Variants in PNPLA7 observed in about 807,000 individuals in gnomAD.
The protein encoded by PNPLA7 is patatin-like phospholipase domain-containing protein 7.
Under a neutral mutation model 161.7 loss-of-function variants are expected in PNPLA7, and 153 were observed. The observed-to-expected ratio is 0.95, with a 90% CI of 0.83 to 1.08. PNPLA7 has a LOEUF of 1.08. Ranked by LOEUF, PNPLA7 falls within the 50% of genes least tolerant of loss-of-function variation. PNPLA7 has a pLI of 0.00. For missense variants in PNPLA7, 1,739 were observed against 1,856.6 expected (o/e 0.94, Z 1.16); for synonymous variants, 809 against 782.1 (o/e 1.03, Z -0.57).
chr9:137,522,834 C>G lies in PNPLA7; in HGVS notation c.771G>C (p.Thr257=), dbSNP rs147114518. The change falls in exon 9 of 35, where the codon ACG becomes ACC. Residue 257 remains threonine (T), a synonymous_variant. Transcript: ENST00000406427. ...ACGGGATGGCCGCGCGGACGGAGAC[C>G]GTTTTGTAAGGTGCAGCATGGCCCT... ...IITGHAAPYK[T]VSVRAAIPST... 2 of 1,613,608 alleles carry G rather than the reference C, an allele frequency of 1.2e-6. No homozygotes were observed. The highest frequency in any genetic ancestry group is 1.7e-5 in the Admixed American group (1 of 60,012).
At chr9:137,484,968 C>T (rs905051234) in intron 20 of PNPLA7, among the ~76,000 whole-genome samples, 2 of 152,356 alleles carry the variant, frequency 1.3e-5, no homozygotes, top group African/African-American at 4.8e-5. Context: ...TTGCGCCTCC[C>T]CAGCCCTCAG....
At position 137,540,682 on chromosome 9, in the gene PNPLA7, T is replaced by C. The variant is rs202080465; in HGVS notation, c.707A>G (p.Asp236Gly). 1.7e-4 allele frequency: 272 copies of C among 1,611,938 alleles called. 4 individuals are homozygous for C. The East Asian group carries it at 5.9e-3, about 35-fold the overall frequency. ...EVVVKEVLAG[D>G]SVHSLLSILD... ...GATGCTGAGCAGGCTGTGGACGCTGTCTCCCGCCAGAACCTCTTTCACCAC... is the reference window on the plus strand; with the variant it reads ...GATGCTGAGCAGGCTGTGGACGCTGCCTCCCGCCAGAACCTCTTTCACCAC... The change falls in exon 8 of 35, where the codon GAC (aspartate) becomes GGC (glycine). Residue 236 changes from aspartate to glycine, a missense_variant. Transcript: ENST00000406427. The surrounding 1 kb of genome is among the most constrained non-coding windows in gnomAD (Gnocchi z 5.1).
intron 24 of PNPLA7, 76 bp from the exon 25 acceptor site, chr9:137,478,228 G>C: frequency 2.7e-6 from 3 of 1,129,092 alleles, no homozygotes; most frequent in Admixed American, 4.2e-5. Context: ...GGCTTGACTG[G>C]GGGGAGTTTC....
At chr9:137,507,848 G>T (rs1344191140) in intron 12 of PNPLA7, among the ~76,000 whole-genome samples, 3 of 152,172 alleles carry the variant, frequency 2.0e-5, no homozygotes, top group African/African-American at 7.2e-5. Flanking sequence ...GAGCCCAGGA[G>T]TTTGAGGCCT....
At chr9:137,509,500 C>A (rs146922733) in intron 12 of PNPLA7, 1 of 235,710 alleles carries the variant, frequency 4.2e-6, no homozygotes, top group Admixed American at 5.0e-5. Context: ...GTTTAGCCGG[C>A]GTGAGTGAGT....
At chr9:137,546,642 G>C (rs973153153) in intron 4 of PNPLA7, among the ~76,000 whole-genome samples, 188 bp downstream of exon 4, 2 of 152,160 alleles carry the variant, frequency 1.3e-5, no homozygotes, top group Non-Finnish European at 2.9e-5. Flanking sequence ...GGAGGAAGCA[G>C]ACACCATTCG....
chr9:137,522,163 C>T (rs1835032667), intron 9 of PNPLA7, among the ~76,000 whole-genome samples: 1 of 152,222 alleles, frequency 6.6e-6, no homozygotes, highest in Non-Finnish European at 1.5e-5. Flanking sequence ...CAAGCTCCGC[C>T]TCCCGGGTTC....
At chr9:137,534,434 TCAGA>T (rs1180245679) in intron 8 of PNPLA7, among the ~76,000 whole-genome samples, 10 of 114,790 alleles carry the variant, frequency 8.7e-5, no homozygotes, top group South Asian at 5.5e-4. Flanking sequence ...ACTCCCAGAC[TCAGA>T]CAGGAGCACT....
chr9:137,495,644 C>T (rs11137320), intron 18 of PNPLA7, among the ~76,000 whole-genome samples: 74,666 of 151,928 alleles, frequency 0.49, 18,688 homozygotes, highest in East Asian at 0.64. Context: ...CGGGGTTTCA[C>T]CATGTTAGCC....
intron 9 of PNPLA7, among the ~76,000 whole-genome samples, chr9:137,522,086 T>G (rs765506533): frequency 6.6e-6 from 1 of 152,220 alleles, no homozygotes; most frequent in Non-Finnish European, 1.5e-5. Context: ...TATTACAATT[T>G]TTTTTTGACA....
intron 13 of PNPLA7, 34 bp downstream of exon 13, chr9:137,505,949 C>CA: frequency 1.9e-6 from 3 of 1,580,284 alleles, no homozygotes; most frequent in Non-Finnish European, 2.6e-6. Context: ...GGTGGGGCCC[C>CA]AGGCGGAGGG....
At position 137,497,196 on chromosome 9, in the gene PNPLA7, G is replaced by A. The variant is rs753966504; in HGVS notation, c.2004C>T (p.Leu668=). 3.0e-5 allele frequency: 47 copies of A among 1,581,776 alleles called. No homozygotes were observed. The highest frequency in any genetic ancestry group is 3.5e-5 in the Non-Finnish European group (41 of 1,165,772). Residue 668 remains leucine, a synonymous_variant, in exon 18 of 35, where the codon CTC becomes CTT. Coordinates refer to ENST00000406427, the MANE Select transcript of PNPLA7 (RefSeq NM_001098537.3). Reference sequence around the variant, plus strand: ...AGGGCCCAGCACCTACCACGCCGACGAGGTCTCCTCGGCCGTACTCCCCGG... The same window carrying A: ...AGGGCCCAGCACCTACCACGCCGACAAGGTCTCCTCGGCCGTACTCCCCGG... ...RLAGEYGRGD[L]VGVVETLTHQ...
At chr9:137,521,148 G>C (rs1564347943) in intron 10 of PNPLA7, among the ~76,000 whole-genome samples, 4 of 152,152 alleles carry the variant, frequency 2.6e-5, no homozygotes, top group African/African-American at 7.2e-5. Flanking sequence ...CATGGGGAGG[G>C]GCAGCCTCTC....
intron 11 of PNPLA7, among the ~76,000 whole-genome samples, 188 bp from the exon 12 acceptor site, chr9:137,515,707 C>T (rs1030243136): frequency 3.3e-5 from 5 of 151,158 alleles, no homozygotes; most frequent in Admixed American, 6.6e-5. Context: ...AAGCGAGTGC[C>T]GGCCTCTGAC....
chr9:137,480,762 G>A (rs539722103), intron 22 of PNPLA7, 198 bp downstream of exon 22: 1 of 758,306 alleles, frequency 1.3e-6, no homozygotes, highest in African/African-American at 1.7e-5. Flanking sequence ...GGGTCCCCTG[G>A]GAGGCCTGAC....
intron 6 of PNPLA7, among the ~76,000 whole-genome samples, 176 bp from the exon 7 acceptor site, chr9:137,542,977 G>A (rs1836289863): frequency 6.6e-6 from 1 of 152,196 alleles, no homozygotes; most frequent in Admixed American, 6.5e-5. Context: ...GTCAACTTCT[G>A]AAATTCCCGT....
chr9:137,484,439 G>A, intron 21 of PNPLA7, 148 bp downstream of exon 21: 1 of 774,680 alleles, frequency 1.3e-6, no homozygotes, highest in Non-Finnish European at 1.8e-6. Flanking sequence ...ACAGCTGCCA[G>A]CAATTTGGAA....
chr9:137,519,682 C>A (rs117684134), intron 11 of PNPLA7, among the ~76,000 whole-genome samples: 1 of 149,214 alleles, frequency 6.7e-6, no homozygotes, highest in Non-Finnish European at 1.5e-5. Flanking sequence ...ACCTGGGGCA[C>A]GTGTGAGGGG....
intron 18 of PNPLA7, among the ~76,000 whole-genome samples, chr9:137,496,559 A>T (rs2132255898): frequency 6.6e-6 from 1 of 152,120 alleles, no homozygotes; most frequent in South Asian, 2.1e-4. Flanking sequence ...TAAAAATACA[A>T]AATTAGCCGG....
Sources: gnomAD v4.1 joint callset for allele counts (sites outside exome capture counted in the v4.1 genomes callset) on GRCh38, gnomAD v4.1.1 for gene constraint, Gnocchi (gnomAD v3.1) non-coding constraint, MANE v1.5 for transcripts, NCBI Gene and HGNC (gene_info 2026-07-23, HGNC 2026-07-21) for gene names.